The following STX8 variants were observed in gnomAD, a reference collection of about 807,000 sequenced individuals.
The protein encoded by STX8 is syntaxin 8.
A neutral mutation model predicts 37.5 loss-of-function variants in STX8; 23 were observed. That is an observed-to-expected ratio of 0.61 (90% confidence interval 0.44 to 0.87). STX8 has a LOEUF of 0.87. Ranked by LOEUF, STX8 falls within the 40% of genes least tolerant of loss-of-function variation. The pLI is 0.00. For missense variants in STX8, 313 were observed against 284.7 expected (o/e 1.10, Z -0.71); for synonymous variants, 115 against 99.1 (o/e 1.16, Z -0.95).
At chr17:9,455,392 C>T (rs1407187766) in intron 6 of STX8, among the ~76,000 whole-genome samples, 4 of 151,550 alleles carry the variant, frequency 2.6e-5, no homozygotes, top group African/African-American at 7.3e-5. Context: ...CCCAGCTACT[C>T]GGGACACTGA....
At chr17:9,562,361 G>A (rs1280210439) in intron 2 of STX8, among the ~76,000 whole-genome samples, 2 of 151,348 alleles carry the variant, frequency 1.3e-5, no homozygotes, top group South Asian at 4.2e-4. Flanking sequence ...AGCCGAGATC[G>A]CGCCACCGCA....
chr17:9,447,075 T>C (rs1035194466), intron 6 of STX8, among the ~76,000 whole-genome samples: 3 of 152,208 alleles, frequency 2.0e-5, no homozygotes, highest in African/African-American at 7.2e-5. Context: ...GGTCAAGAAC[T>C]TGGATTCTTT....
At chr17:9,349,008 T>G (rs533768226) in intron 7 of STX8, among the ~76,000 whole-genome samples, 1 of 152,332 alleles carries the variant, frequency 6.6e-6, no homozygotes, top group South Asian at 2.1e-4. Flanking sequence ...GTTAACTTTT[T>G]GAGATGGAGT....
At chr17:9,467,107 T>C (rs1905650363) in intron 6 of STX8, 1 of 152,190 alleles carries the variant, frequency 6.6e-6, no homozygotes, top group Admixed American at 6.5e-5. Context: ...GCCAGGCTGG[T>C]CTCGAACTCC....
intron 2 of STX8, among the ~76,000 whole-genome samples, chr17:9,565,724 C>A (rs1194633855): frequency 1.3e-5 from 2 of 151,562 alleles, no homozygotes. Flanking sequence ...ATTCCCTATT[C>A]AATAAGTGGT....
chr17:9,376,455 G>A (rs867665310), intron 7 of STX8, among the ~76,000 whole-genome samples: 47 of 152,192 alleles, frequency 3.1e-4, no homozygotes, highest in African/African-American at 1.1e-3. Context: ...TCAGCACTCT[G>A]TAAAATGGAC....
chr17:9,348,665 C>T (rs1206841122), intron 7 of STX8, among the ~76,000 whole-genome samples: 1 of 152,170 alleles, frequency 6.6e-6, no homozygotes, highest in Non-Finnish European at 1.5e-5. Flanking sequence ...TCCCTGCACT[C>T]AGGAAGCTCA....
At chr17:9,371,083 G>A (rs541612230) in intron 7 of STX8, among the ~76,000 whole-genome samples, 2 of 152,258 alleles carry the variant, frequency 1.3e-5, no homozygotes, top group Admixed American at 1.3e-4. Context: ...CCCTTGTTAA[G>A]AACTGAACAA....
intron 7 of STX8, among the ~76,000 whole-genome samples, chr17:9,325,355 G>A (rs1909718235): frequency 6.6e-6 from 1 of 152,068 alleles, no homozygotes; most frequent in Non-Finnish European, 1.5e-5. Flanking sequence ...ATTCATAAGG[G>A]CTTATAAGGT....
intron 6 of STX8, among the ~76,000 whole-genome samples, chr17:9,389,823 T>C (rs952046130): frequency 9.9e-5 from 15 of 152,158 alleles, no homozygotes; most frequent in Non-Finnish European, 2.1e-4. Context: ...TTTAATTCCC[T>C]CCGTTCCCTA....
chr17:9,284,201 C>G (rs1159289569), intron 7 of STX8, among the ~76,000 whole-genome samples: 1 of 152,132 alleles, frequency 6.6e-6, no homozygotes, highest in East Asian at 1.9e-4. Flanking sequence ...ATGAAATTTC[C>G]TCAGCAGGAT....
At chr17:9,403,934 C>T (rs1038216204) in intron 6 of STX8, among the ~76,000 whole-genome samples, 6 of 152,132 alleles carry the variant, frequency 3.9e-5, no homozygotes, top group African/African-American at 1.4e-4. Context: ...GAGTGAGCCA[C>T]CACATCCGGC....
chr17:9,271,077 G>A (rs377445468), intron 7 of STX8, among the ~76,000 whole-genome samples: 1 of 152,146 alleles, frequency 6.6e-6, no homozygotes, highest in East Asian at 1.9e-4. Context: ...ATCACCTAAC[G>A]ACAGAAATGT....
intron 6 of STX8, among the ~76,000 whole-genome samples, chr17:9,447,248 A>G (rs1038798834): frequency 1.3e-5 from 2 of 152,226 alleles, no homozygotes; most frequent in African/African-American, 2.4e-5. Flanking sequence ...ATTTAAACAC[A>G]TACCCTTTAG....
chr17:9,511,086 CCAATAA>C (rs1261460454), intron 4 of STX8, among the ~76,000 whole-genome samples: 1 of 151,968 alleles, frequency 6.6e-6, no homozygotes, highest in East Asian at 1.9e-4. Flanking sequence ...CCTGAACAGA[CCAATAA>C]CAAGTAATGA....
chr17:9,484,295 C>T (rs897601838), intron 6 of STX8, among the ~76,000 whole-genome samples: 5 of 149,004 alleles, frequency 3.4e-5, no homozygotes, highest in Admixed American at 1.4e-4. Context: ...CAGTCAGTGA[C>T]GGATGCTATG....
At chr17:9,529,726 GTTAA>G (rs1402113456) in intron 4 of STX8, among the ~76,000 whole-genome samples, 3 of 152,190 alleles carry the variant, frequency 2.0e-5, no homozygotes, top group African/African-American at 7.2e-5. Context: ...GTTGTAGATT[GTTAA>G]TTCTCATTTG....
chr17:9,335,703 T>C (rs1424066828), intron 7 of STX8, among the ~76,000 whole-genome samples: 1 of 151,936 alleles, frequency 6.6e-6, no homozygotes, highest in African/African-American at 2.4e-5. Context: ...CTTCAATAAG[T>C]TTTTTTAAAA....
chr17:9,361,117 T>C (rs950556780), intron 7 of STX8, among the ~76,000 whole-genome samples: 28 of 151,902 alleles, frequency 1.8e-4, no homozygotes, highest in African/African-American at 6.5e-4. Flanking sequence ...GGCTCTGAAA[T>C]AGAAAGGAAA....
Sources: allele counts gnomAD v4.1 joint callset (sites outside exome capture counted in the v4.1 genomes callset), GRCh38; gene constraint gnomAD v4.1.1; transcripts MANE v1.5; gene names NCBI Gene and HGNC (gene_info 2026-07-23, HGNC 2026-07-21).